Variants in CLSTN1 observed in about 807,000 individuals in gnomAD.
CLSTN1 encodes calsyntenin-1.
A neutral mutation model predicts 108.3 loss-of-function variants in CLSTN1; 28 were observed. The observed-to-expected ratio is 0.26, with a 90% CI of 0.19 to 0.35. CLSTN1 has a LOEUF of 0.35. CLSTN1 is among the 10% of genes least tolerant of loss of function. The pLI is 1.00. For synonymous variants in CLSTN1, 524 were observed against 534.9 expected (o/e 0.98, Z 0.28); for missense variants, 1,157 against 1,302.6 (o/e 0.89, Z 1.72).
intron 2 of CLSTN1, among the ~76,000 whole-genome samples, chr1:9,768,003 A>G (rs1449945586): frequency 6.6e-6 from 1 of 152,168 alleles, no homozygotes; most frequent in Admixed American, 6.5e-5. Flanking sequence ...CTGTGACATT[A>G]ATGAGGTCTG....
chr1:9,730,564 G>T lies in CLSTN1; in HGVS notation c.2890C>A (p.Gln964Lys). 1 of 1,608,600 alleles carries T rather than the reference G, an allele frequency of 6.2e-7. No individual in the cohort carries two copies. The change falls in exon 19 of 19, where the codon CAG becomes AAG. Residue 964 changes from glutamine to lysine, a missense_variant. Transcript: ENST00000377298. The surrounding 1 kb of genome is among the most constrained non-coding windows in gnomAD (Gnocchi z 5.6). Reference sequence around the variant, plus strand: ...AGCTGCTGCTGCCGGGTTGCGTTCTGGGGGTCGCCCTGCTCCCCCTCCTCC... The same window carrying T: ...AGCTGCTGCTGCCGGGTTGCGTTCTTGGGGTCGCCCTGCTCCCCCTCCTCC... ...EEEEGEQGDP[Q>K]NATRQQQLEW... is the part of the protein sequence containing the mutation.
intron 1 of CLSTN1, among the ~76,000 whole-genome samples, chr1:9,806,898 C>T (rs115382902): frequency 0.013 from 2,020 of 152,038 alleles, 30 homozygotes; most frequent in East Asian, 0.044. Context: ...AAAATAAAAA[C>T]AGACACAAAA....
chr1:9,810,169 G>A (rs1349591978), intron 1 of CLSTN1, among the ~76,000 whole-genome samples: 2 of 59,332 alleles, frequency 3.4e-5, no homozygotes, highest in African/African-American at 1.3e-4. Flanking sequence ...GAGGAAGGGA[G>A]GGAAGGCAGG....
In CLSTN1 at chr1:9,823,184, A is replaced by ACC. The variant is rs1392999010; in HGVS notation, c.91+457_91+458dup. Among the ~76,000 whole-genome samples the ACC allele has an allele frequency of 6.6e-6, 1 of 151,904 alleles. No individual in the cohort carries two copies. Among genetic ancestry groups the ACC allele is most frequent in the South Asian group, 2.1e-4 (1 of 4,816 alleles). ...AAGCACACACCAAAACTGTGCGTGC[A>ACC]CCCCCCGCCTGATGCACATCTGAGC... On this transcript the variant is annotated intron_variant, in intron 1 of 18. Coordinates refer to ENST00000377298, the MANE Select transcript of CLSTN1 (RefSeq NM_001009566.3). The surrounding 1 kb of genome is among the most constrained non-coding windows in gnomAD (Gnocchi z 6.3).
chr1:9,818,798 T>C (rs1429766202), intron 1 of CLSTN1, among the ~76,000 whole-genome samples: 4 of 139,022 alleles, frequency 2.9e-5, no homozygotes, highest in Non-Finnish European at 6.3e-5. Flanking sequence ...TTTTTTTTTT[T>C]TTTTTTGAGA....
At chr1:9,800,974 C>T (rs559370630) in intron 1 of CLSTN1, among the ~76,000 whole-genome samples, 39 of 151,212 alleles carry the variant, frequency 2.6e-4, no homozygotes, top group Admixed American at 6.0e-4. Context: ...AGGCTGGGTG[C>T]GGTGGCTCAC....
At position 9,773,303 on chromosome 1, in the gene CLSTN1, C is replaced by G. The variant is rs201852119; in HGVS notation, c.183G>C (p.Ala61=). Reference sequence around the variant, plus strand: ...ATCGCAGAGGCGCATCTTTATCCAGCGCGATCAGTGGGGGGTCGAGGAGCA... The same window carrying G: ...ATCGCAGAGGCGCATCTTTATCCAGGGCGATCAGTGGGGGGTCGAGGAGCA... ...NTVLLDPPLI[A]LDKDAPLRFA... is the part of the protein sequence containing the mutation. Residue 61 remains alanine (A), a synonymous_variant, in exon 2 of 19, where the codon GCG becomes GCC. Transcript: ENST00000377298. 1.2e-6 allele frequency: 2 copies of G among 1,613,954 alleles called. No homozygotes were observed. The highest frequency in any genetic ancestry group is 1.7e-6 in the Non-Finnish European group (2 of 1,179,990).
intron 1 of CLSTN1, 137 bp from the exon 2 acceptor site, chr1:9,773,531 G>A (rs1026699633): frequency 3.3e-5 from 27 of 819,594 alleles, no homozygotes; most frequent in Middle Eastern, 3.8e-4. Flanking sequence ...CAGTTCTGTC[G>A]CAAAATTTGG....
chr1:9,732,599 T>C (rs1297462385), intron 16 of CLSTN1, among the ~76,000 whole-genome samples: 1 of 152,182 alleles, frequency 6.6e-6, no homozygotes, highest in Non-Finnish European at 1.5e-5. Context: ...GAGTTCATGG[T>C]GATATTCCAT....
At chr1:9,803,540 C>T (rs1038240881) in intron 1 of CLSTN1, among the ~76,000 whole-genome samples, 21 of 152,218 alleles carry the variant, frequency 1.4e-4, no homozygotes, top group African/African-American at 4.6e-4. Context: ...CAGTGGCTCA[C>T]GCCTGCAATC....
chr1:9,764,637 T>TAAAAAAAAAA (rs70998307), intron 2 of CLSTN1, among the ~76,000 whole-genome samples: 17 of 82,336 alleles, frequency 2.1e-4, no homozygotes, highest in Non-Finnish European at 3.4e-4. Flanking sequence ...GCTCCATCTT[T>TAAAAAAAAAA]AAAAAAAAAA....
intron 1 of CLSTN1, among the ~76,000 whole-genome samples, chr1:9,817,005 G>C (rs1297295715): frequency 6.6e-6 from 1 of 152,188 alleles, no homozygotes; most frequent in African/African-American, 2.4e-5. Flanking sequence ...AGGTAGGCTT[G>C]AAAAGTAGCA....
intron 1 of CLSTN1, among the ~76,000 whole-genome samples, chr1:9,819,252 A>C (rs1314801654): frequency 6.6e-6 from 1 of 152,148 alleles, no homozygotes; most frequent in Non-Finnish European, 1.5e-5. Flanking sequence ...AAAACTACCC[A>C]AAAAAATTAA....
intron 1 of CLSTN1, among the ~76,000 whole-genome samples, chr1:9,818,695 C>G (rs1436489166): frequency 6.6e-6 from 1 of 151,034 alleles, no homozygotes; most frequent in South Asian, 2.1e-4. Context: ...ATCTGTAGTC[C>G]TGAAACACTA....
At chr1:9,744,709 A>G in intron 7 of CLSTN1, 66 bp from the exon 8 acceptor site, 5 of 1,510,820 alleles carry the variant, frequency 3.3e-6, no homozygotes, top group Non-Finnish European at 4.4e-6. Flanking sequence ...TCAAGCCCCC[A>G]GGCACGTGCT....
At chr1:9,732,667 G>T (rs924581618) in intron 16 of CLSTN1, among the ~76,000 whole-genome samples, 2 of 152,250 alleles carry the variant, frequency 1.3e-5, no homozygotes, top group Non-Finnish European at 2.9e-5. Flanking sequence ...GAGCGATGAA[G>T]CAGCTGCTGG....
In CLSTN1 at chr1:9,734,496, A is replaced by T. The variant is rs1650576089; in HGVS notation, c.2111-354T>A. 6.6e-6 allele frequency among the ~76,000 whole-genome samples: 1 copy of T among 150,932 alleles called. No homozygotes were observed. Among genetic ancestry groups the T allele is most frequent in the East Asian group, 2.0e-4 (1 of 5,110 alleles). On this transcript the variant is annotated intron_variant, in intron 14 of 18. Coordinates refer to ENST00000377298, the MANE Select transcript of CLSTN1 (RefSeq NM_001009566.3). This position sits in a 1 kb window ranked among gnomAD's most constrained non-coding sequence, Gnocchi z 4.8. ...AGGCTGAGGCAGGAGAATCGCTTGA[A>T]CTCAGGAGGTGGATGCTGCAGTTAG...
intron 1 of CLSTN1, among the ~76,000 whole-genome samples, chr1:9,795,893 T>A (rs965721808): frequency 6.7e-6 from 1 of 149,894 alleles, no homozygotes; most frequent in South Asian, 2.2e-4. Context: ...AGGCTGAGGC[T>A]GCAGTGAGCG....
intron 13 of CLSTN1, 45 bp from the exon 14 acceptor site, chr1:9,735,219 C>A (rs751224590): frequency 1.7e-5 from 27 of 1,596,144 alleles, no homozygotes; most frequent in Middle Eastern, 1.7e-4. Context: ...GGGAGCCGAT[C>A]TTGGAGCCCA....
Sources: gnomAD v4.1 joint callset for allele counts (sites outside exome capture counted in the v4.1 genomes callset) on GRCh38, gnomAD v4.1.1 for gene constraint, Gnocchi (gnomAD v3.1) non-coding constraint, MANE v1.5 for transcripts, NCBI Gene and HGNC (gene_info 2026-07-23, HGNC 2026-07-21) for gene names.